TEX11: variants seen among roughly 807,000 people sequenced by gnomAD.
TEX11 encodes the protein testis expressed 11.
A neutral mutation model predicts 84.4 loss-of-function variants in TEX11; 7 were observed. The observed-to-expected ratio is 0.08, with a 90% confidence interval of 0.05 to 0.16. TEX11 has a LOEUF of 0.16. Among genes scored for constraint, TEX11 ranks in the 10% least tolerant of loss-of-function variants. The probability of loss-of-function intolerance (pLI) is 1.00; values close to 1 mark genes in which losing one functional copy is unlikely to be tolerated. For synonymous variants in TEX11, 264 were observed against 222.8 expected (o/e 1.18, Z -1.64); for missense variants, 551 against 660.5 (o/e 0.83, Z 1.82).
intron 16 of TEX11, among the ~76,000 whole-genome samples, chrX:70,656,535 A>G (rs1172113031): frequency 8.9e-6 from 1 of 112,003 alleles, no homozygotes; most frequent in Non-Finnish European, 1.9e-5. Flanking sequence ...TGCAGATGGC[A>G]AAACCAAAAA....
intron 13 of TEX11, among the ~76,000 whole-genome samples, chrX:70,684,828 A>G (rs951202146): frequency 2.7e-5 from 3 of 111,565 alleles, no homozygotes; most frequent in African/African-American, 6.5e-5. Flanking sequence ...GGAACCACAA[A>G]AGACTCTGTG....
intron 14 of TEX11, among the ~76,000 whole-genome samples, chrX:70,679,622 C>A (rs1338477561): frequency 9.3e-6 from 1 of 107,162 alleles, no homozygotes; most frequent in African/African-American, 3.4e-5. Context: ...AGCCCCTCCG[C>A]CCGGCAGCCG....
At chrX:70,658,309 C>T (rs1299021820) in intron 16 of TEX11, among the ~76,000 whole-genome samples, 1 of 110,505 alleles carries the variant, frequency 9.0e-6, no homozygotes, top group Non-Finnish European at 1.9e-5. Context: ...CCCAGCTACT[C>T]GGGAGGCTGA....
At chrX:70,839,886 T>G (rs916075237) in intron 7 of TEX11, among the ~76,000 whole-genome samples, 1 of 110,957 alleles carries the variant, frequency 9.0e-6, no homozygotes, top group African/African-American at 3.3e-5. Flanking sequence ...AGAAAGGGTA[T>G]CAGTGATGGA....
intron 18 of TEX11, among the ~76,000 whole-genome samples, chrX:70,625,332 C>G (rs771753048): frequency 3.6e-4 from 40 of 110,889 alleles, no homozygotes; most frequent in Non-Finnish European, 6.8e-4. Flanking sequence ...CTCCCCGACT[C>G]CTCCAACCCT....
chrX:70,698,828 G>A (rs773039588), intron 13 of TEX11, among the ~76,000 whole-genome samples: 3 of 111,705 alleles, frequency 2.7e-5, no homozygotes, highest in South Asian at 7.6e-4. Context: ...TATATGGCAA[G>A]AGAACTAATT....
chrX:70,702,299 C>T (rs973309762), intron 13 of TEX11, among the ~76,000 whole-genome samples: 3 of 111,933 alleles, frequency 2.7e-5, no homozygotes. Flanking sequence ...CAGCCAACAA[C>T]ATCAAGACAA....
At position 70,863,654 on chromosome X, in the gene TEX11, A is replaced by G. The variant is rs749398506; in HGVS notation, c.245-2718T>C. On this transcript the variant is annotated intron_variant, in intron 4 of 29. Transcript: ENST00000374333. ...TGCAAAAATGCTGAAAATTCCAAAA[A>G]CCAGAATGCCTCTTCCCCTCAAAAT... 6.3e-4 allele frequency among the ~76,000 whole-genome samples: 70 copies of G among 111,590 alleles called. 1 individual carries two copies. The South Asian group carries it at 0.026, about 41-fold the overall frequency.
intron 28 of TEX11, among the ~76,000 whole-genome samples, chrX:70,539,038 A>ATATTTT: frequency 2.4e-5 from 1 of 41,245 alleles, no homozygotes; most frequent in African/African-American, 9.2e-5. Flanking sequence ...ATATATATAT[A>ATATTTT]TTTTTTTTTT....
intron 13 of TEX11, among the ~76,000 whole-genome samples, chrX:70,712,369 A>G (rs1470769857): frequency 1.8e-5 from 2 of 111,145 alleles, no homozygotes; most frequent in Non-Finnish European, 3.8e-5. Context: ...GAATCTATAA[A>G]TTACCTTGGG....
chrX:70,895,596 G>A (rs79742060), intron 2 of TEX11, among the ~76,000 whole-genome samples: 1 of 111,888 alleles, frequency 8.9e-6, no homozygotes, highest in Non-Finnish European at 1.9e-5. Flanking sequence ...AAAGCTGGAG[G>A]CATCACGCTG....
At chrX:70,897,636 G>C (rs1182052712) in intron 2 of TEX11, 18 of 87,176 alleles carry the variant, frequency 2.1e-4, no homozygotes, top group Non-Finnish European at 4.0e-4. Flanking sequence ...AGGAAGGAAG[G>C]AAGGAAGGAA....
intron 8 of TEX11, among the ~76,000 whole-genome samples, chrX:70,809,710 GT>G (rs1457851183): frequency 9.0e-6 from 1 of 110,608 alleles, no homozygotes; most frequent in Non-Finnish European, 1.9e-5. Context: ...GTTTTGTTTT[GT>G]TTTTTGAGAT....
At chrX:70,825,608 A>G (rs1316016316) in intron 8 of TEX11, among the ~76,000 whole-genome samples, 1 of 111,951 alleles carries the variant, frequency 8.9e-6, no homozygotes, top group Non-Finnish European at 1.9e-5. Flanking sequence ...TGAGATTTTA[A>G]AAGTTTTTAC....
intron 9 of TEX11, among the ~76,000 whole-genome samples, chrX:70,798,701 C>T (rs2091170002): frequency 8.9e-6 from 1 of 111,906 alleles, no homozygotes; most frequent in African/African-American, 3.2e-5. Context: ...TTATGGGCAA[C>T]TGATGATCAA....
intron 16 of TEX11, among the ~76,000 whole-genome samples, chrX:70,668,192 A>C (rs1251268964): frequency 8.9e-6 from 1 of 111,927 alleles, no homozygotes; most frequent in African/African-American, 3.2e-5. Context: ...CACTGTGGGG[A>C]ATGTGATAAA....
intron 9 of TEX11, among the ~76,000 whole-genome samples, chrX:70,776,039 G>A (rs2090999772): frequency 1.2e-5 from 1 of 82,390 alleles, no homozygotes; most frequent in African/African-American, 3.8e-5. Context: ...AGAAGAGCGT[G>A]GAGATTTCTC....
At chrX:70,514,571 G>T in the TEX11 span, among the ~76,000 whole-genome samples, 1 of 99,876 alleles carries the variant, frequency 1.0e-5, no homozygotes, top group Non-Finnish European at 2.0e-5. Flanking sequence ...CTCCAGCCTG[G>T]TGTCAGAGCC....
At chrX:70,584,646 C>A (rs2088829111) in intron 25 of TEX11, among the ~76,000 whole-genome samples, 1 of 111,278 alleles carries the variant, frequency 9.0e-6, no homozygotes, top group Admixed American at 9.6e-5. Context: ...TAAAAAAACC[C>A]CATGAAAATA....
Sources: allele counts gnomAD v4.1 joint callset (sites outside exome capture counted in the v4.1 genomes callset), GRCh38; gene constraint gnomAD v4.1.1; transcripts MANE v1.5; gene names NCBI Gene and HGNC (gene_info 2026-07-23, HGNC 2026-07-21).